The following DKK2 variants were observed in gnomAD, a reference collection of about 807,000 sequenced individuals.
DKK2 encodes dickkopf-related protein 2.
A neutral mutation model predicts 28.1 loss-of-function variants in DKK2; 11 were observed. The observed-to-expected ratio is 0.39, with a 90% CI of 0.25 to 0.65. The LOEUF (loss-of-function observed/expected upper bound fraction) is 0.65, where lower values mean the gene tolerates loss of function less well. Ranked by LOEUF, DKK2 falls within the 30% of genes least tolerant of loss-of-function variation. DKK2 has a pLI of 0.47. For missense variants in DKK2, 326 were observed against 335.5 expected, an observed-to-expected ratio of 0.97 and a Z score of 0.22; for synonymous variants, 135 against 126.5, an observed-to-expected ratio of 1.07 and a Z score of -0.45.
rs180898809 is a variant in DKK2 at position 106,976,089 on chromosome 4, A to C, written c.223-50140T>G. ...TAATCCTGAGTTCTAATTTGATTGC[A>C]CTGTGGTCTGAGAGCCTGTTCGTTA... On this transcript the variant is annotated intron_variant, in intron 1 of 3. Transcript: ENST00000285311. Among the ~76,000 whole-genome samples the C allele has an allele frequency of 1.3e-3, 191 of 152,258 alleles. 2 individuals are homozygous for C. Among genetic ancestry groups the C allele is most frequent in the African/African-American group, 4.5e-3 (186 of 41,556 alleles).
intron 1 of DKK2, among the ~76,000 whole-genome samples, chr4:106,939,523 G>A (rs1724657404): frequency 6.6e-6 from 1 of 152,136 alleles, no homozygotes. Context: ...CATGAAAATG[G>A]CCATACGGCC....
At chr4:107,015,081 G>T (rs967844726) in intron 1 of DKK2, among the ~76,000 whole-genome samples, 1 of 151,250 alleles carries the variant, frequency 6.6e-6, no homozygotes. Context: ...CATTTCTGTG[G>T]GTTATATTCT....
At chr4:106,971,328 A>G (rs1722864814) in intron 1 of DKK2, among the ~76,000 whole-genome samples, 1 of 152,122 alleles carries the variant, frequency 6.6e-6, no homozygotes, top group African/African-American at 2.4e-5. Context: ...TATTGTTAAC[A>G]ATAGTAGCCC....
chr4:106,975,421 C>G (rs952858228), intron 1 of DKK2, among the ~76,000 whole-genome samples: 2 of 152,098 alleles, frequency 1.3e-5, no homozygotes, highest in African/African-American at 4.8e-5. Flanking sequence ...AATTTCAGAA[C>G]TTGTCATTCA....
chr4:107,012,438 C>G (rs980976566), intron 1 of DKK2, among the ~76,000 whole-genome samples: 1 of 151,272 alleles, frequency 6.6e-6, no homozygotes, highest in Non-Finnish European at 1.5e-5. Context: ...TAGGAAGTCA[C>G]AGCAATAGGA....
chr4:106,998,089 T>A (rs972658621), intron 1 of DKK2, among the ~76,000 whole-genome samples: 1 of 152,158 alleles, frequency 6.6e-6, no homozygotes, highest in East Asian at 1.9e-4. Context: ...TTTGTGAACA[T>A]GTAAGTAGGT....
At chr4:106,985,082 G>A (rs796180106) in intron 1 of DKK2, among the ~76,000 whole-genome samples, 49 of 152,044 alleles carry the variant, frequency 3.2e-4, no homozygotes, top group Middle Eastern at 3.4e-3. Flanking sequence ...GGTGGCGGGC[G>A]CCTGTAGTCC....
intron 1 of DKK2, among the ~76,000 whole-genome samples, chr4:107,019,635 T>TG (rs2110372740): frequency 6.6e-6 from 1 of 152,198 alleles, no homozygotes; most frequent in Admixed American, 6.6e-5. Flanking sequence ...CCACATTTAA[T>TG]GTCAGACTGC....
At position 106,921,868 on chromosome 4, in the gene DKK2, G is replaced by C. The variant is rs1269265786; in HGVS notation, c.*2086C>G. On this transcript the variant is annotated 3_prime_UTR_variant, in exon 4 of 4. Transcript: ENST00000285311. ...TTATACATTTTTCCTAAATTACAAA[G>C]TCAATAGCTGCAAATATATTCTGCT... 6.6e-6 allele frequency: 1 copy of C among 152,490 alleles called. No individual in the cohort carries two copies. The highest frequency in any genetic ancestry group is 1.5e-5 in the Non-Finnish European group (1 of 67,986). 9.4% of individuals were successfully genotyped at this position (152,490 alleles called of 1,614,324 possible).
intron 1 of DKK2, among the ~76,000 whole-genome samples, chr4:106,940,066 A>G (rs956474759): frequency 3.9e-4 from 60 of 152,238 alleles, no homozygotes; most frequent in Admixed American, 3.9e-4. Flanking sequence ...CTTCATGTCT[A>G]AAACACCAAA....
At chr4:106,962,359 T>C (rs1416793672) in intron 1 of DKK2, among the ~76,000 whole-genome samples, 1 of 151,900 alleles carries the variant, frequency 6.6e-6, no homozygotes, top group Non-Finnish European at 1.5e-5. Context: ...CCTGAGCACA[T>C]AGAAAAATGC....
At chr4:106,938,969 A>T (rs1338849349) in intron 1 of DKK2, among the ~76,000 whole-genome samples, 1 of 151,852 alleles carries the variant, frequency 6.6e-6, no homozygotes, top group Non-Finnish European at 1.5e-5. Context: ...TTTCAAAATA[A>T]TAAGAGCTAT....
rs941001166 is a variant in DKK2, at chr4:107,035,900, C to G, written c.-309G>C. 1.7e-5 allele frequency: 7 copies of G among 415,872 alleles called. No individual in the cohort carries two copies. The highest frequency in any genetic ancestry group is 3.1e-5 in the Non-Finnish European group (7 of 225,692). 25.8% of individuals were successfully genotyped at this position (415,872 alleles called of 1,614,324 possible). A position where few individuals can be genotyped will look rare whatever the true frequency, so the allele number is the denominator to read the frequency against. ...TGACCCAAGGTGCAAGAAAACCCAGCCCTGTGGATCGCACCGCTTCCGTTC... is the reference window on the plus strand; with the variant it reads ...TGACCCAAGGTGCAAGAAAACCCAGGCCTGTGGATCGCACCGCTTCCGTTC... On this transcript the variant is annotated 5_prime_UTR_variant, in exon 1 of 4. Coordinates refer to ENST00000285311, the MANE Select transcript of DKK2 (RefSeq NM_014421.3).
chr4:106,941,690 A>T (rs116095965), intron 1 of DKK2, among the ~76,000 whole-genome samples: 1,615 of 152,232 alleles, frequency 0.011, 31 homozygotes, highest in African/African-American at 0.037. Context: ...GGGCAGCGTC[A>T]GAGTTTCAGC....
At chr4:106,988,969 T>A (rs1723164931) in intron 1 of DKK2, among the ~76,000 whole-genome samples, 1 of 152,144 alleles carries the variant, frequency 6.6e-6, no homozygotes, top group Admixed American at 6.6e-5. Flanking sequence ...AAGGTTGGGG[T>A]TGAAGCTAGG....
intron 1 of DKK2, among the ~76,000 whole-genome samples, chr4:106,965,992 T>A (rs1722775209): frequency 1.3e-5 from 2 of 151,860 alleles, no homozygotes; most frequent in South Asian, 4.2e-4. Context: ...ATCCAGTCTA[T>A]CATTGTTGGA....
chr4:107,013,313 A>G (rs1723540943), intron 1 of DKK2, among the ~76,000 whole-genome samples: 1 of 151,612 alleles, frequency 6.6e-6, no homozygotes, highest in Admixed American at 6.6e-5. Context: ...TATAGTAAAC[A>G]AAATAGCATA....
chr4:106,932,124 C>G (rs973565940), intron 1 of DKK2, among the ~76,000 whole-genome samples: 1 of 152,150 alleles, frequency 6.6e-6, no homozygotes, highest in South Asian at 2.1e-4. Flanking sequence ...AACTCGTGAT[C>G]TGCACCCCAT....
At chr4:106,994,321 T>C (rs1241642000) in intron 1 of DKK2, among the ~76,000 whole-genome samples, 1 of 152,222 alleles carries the variant, frequency 6.6e-6, no homozygotes, top group East Asian at 1.9e-4. Context: ...AAGGTTTGCT[T>C]ACATTCACTT....
Sources: allele counts gnomAD v4.1 joint callset (sites outside exome capture counted in the v4.1 genomes callset), GRCh38; gene constraint gnomAD v4.1.1; transcripts MANE v1.5; gene names NCBI Gene and HGNC (gene_info 2026-07-23, HGNC 2026-07-21).